Variants in FAM117A observed in about 807,000 individuals in gnomAD.
The protein encoded by FAM117A is family with sequence similarity 117 member A.
In FAM117A, 21 loss-of-function variants were observed where a neutral mutation model predicts 44.1. That is an observed-to-expected ratio of 0.48 (90% CI 0.34 to 0.69). The LOEUF is 0.69. FAM117A is among the 30% of genes least tolerant of loss of function. FAM117A has a pLI of 0.01. For missense variants in FAM117A, 498 were observed against 589.9 expected (o/e 0.84, Z 1.61); for synonymous variants, 220 against 238.3 (o/e 0.92, Z 0.71).
intron 6 of FAM117A, among the ~76,000 whole-genome samples, chr17:49,716,911 G>A (rs916679523): frequency 6.6e-6 from 1 of 152,122 alleles, no homozygotes; most frequent in Non-Finnish European, 1.5e-5. Flanking sequence ...GTTAGATCAT[G>A]CCCTTGACCA....
At chr17:49,731,367 A>C (rs989317058) in intron 2 of FAM117A, among the ~76,000 whole-genome samples, 1 of 152,248 alleles carries the variant, frequency 6.6e-6, no homozygotes, top group Non-Finnish European at 1.5e-5. Context: ...AACTGCATCA[A>C]AAGGGAGATT....
At chr17:49,749,496 G>GGCCAACATGGTGA (rs1282103607) in intron 1 of FAM117A, among the ~76,000 whole-genome samples, 1 of 140,386 alleles carries the variant, frequency 7.1e-6, no homozygotes, top group Non-Finnish European at 1.6e-5. Flanking sequence ...AGAATCGCCT[G>GGCCAACATGGTGA]AATCTGGGAG....
chr17:49,732,584 G>C lies in FAM117A; in HGVS notation c.333C>G (p.Ala111=), dbSNP rs909379986. 3 of 1,614,010 alleles carry C rather than the reference G, an allele frequency of 1.9e-6. No individual in the cohort carries two copies. The South Asian group carries it at 3.3e-5, about 18-fold the overall frequency. Residue 111 remains alanine (A), a synonymous_variant, in exon 2 of 8, where the codon GCC becomes GCG. Coordinates refer to ENST00000240364, the MANE Select transcript of FAM117A (RefSeq NM_030802.4). ...CCTTGTCATTGGTGCAGCAGGTGAAGGCCCCATCAGCATCTCGTGGCCACT... is the reference window on the plus strand; with the variant it reads ...CCTTGTCATTGGTGCAGCAGGTGAACGCCCCATCAGCATCTCGTGGCCACT... The part of the protein sequence containing the change: ...LGQWPRDADG[A]FTCCTNDKAT...
Position 49,732,543 on chromosome 17 carries a change from T to C in FAM117A, c.366+8A>G, listed in dbSNP as rs2073590196. ...ATCCCTTATCCCATCAGGAGAGAGC[T>C]TCATTACCTGGGTGGCCTTGTCATT... On this transcript the variant is annotated splice_region_variant and intron_variant, in intron 2 of 7. Coordinates refer to ENST00000240364, the MANE Select transcript of FAM117A (RefSeq NM_030802.4). The C allele has an allele frequency of 6.2e-7, 1 of 1,614,032 alleles. No individual in the cohort carries two copies. The highest frequency in any genetic ancestry group is 8.5e-7 in the Non-Finnish European group (1 of 1,179,956).
chr17:49,787,558 TC>T (rs2073821427), intron 1 of FAM117A, among the ~76,000 whole-genome samples: 1 of 152,184 alleles, frequency 6.6e-6, no homozygotes, highest in African/African-American at 2.4e-5. Flanking sequence ...CTGGGGGAAA[TC>T]TCCATCTTAA....
intron 3 of FAM117A, among the ~76,000 whole-genome samples, chr17:49,722,003 G>A (rs2073537013): frequency 1.3e-5 from 2 of 152,184 alleles, no homozygotes; most frequent in African/African-American, 4.8e-5. Context: ...GGAGGCTGAG[G>A]CAGGAGAATC....
intron 1 of FAM117A, among the ~76,000 whole-genome samples, chr17:49,778,169 T>C (rs1183996858): frequency 6.6e-6 from 1 of 152,204 alleles, no homozygotes; most frequent in African/African-American, 2.4e-5. Flanking sequence ...ACTTTTCTTT[T>C]TTTGCCTCTG....
At chr17:49,733,840 C>T (rs2143737063) in intron 1 of FAM117A, among the ~76,000 whole-genome samples, 1 of 152,110 alleles carries the variant, frequency 6.6e-6, no homozygotes, top group Middle Eastern at 3.4e-3. Flanking sequence ...ATTCAAAACA[C>T]TCTACTATCT....
chr17:49,752,957 G>T (rs1362604248), intron 1 of FAM117A, among the ~76,000 whole-genome samples: 1 of 151,862 alleles, frequency 6.6e-6, no homozygotes, highest in African/African-American at 2.4e-5. Context: ...TTCGCCTCTG[G>T]ACTCAAGTGA....
chr17:49,739,156 G>A (rs2073622681), intron 1 of FAM117A, among the ~76,000 whole-genome samples: 1 of 152,182 alleles, frequency 6.6e-6, no homozygotes, highest in Admixed American at 6.5e-5. Context: ...ATGAAGAGAT[G>A]CAAATACACT....
intron 1 of FAM117A, among the ~76,000 whole-genome samples, chr17:49,742,924 G>A (rs546173388): frequency 6.6e-6 from 1 of 152,274 alleles, no homozygotes; most frequent in East Asian, 1.9e-4. Flanking sequence ...TCTGATTTCT[G>A]TTATGGGTAT....
In FAM117A at chr17:49,711,072, AT is replaced by A. The variant is rs2073474790; in HGVS notation, c.*182del. ...GCTACTAGTGGAGAAGGCAGGTCCC[AT>A]CACGTTCAGAGGGGCCGGTGCCCAT... On this transcript the variant is annotated 3_prime_UTR_variant, in exon 8 of 8. Transcript: ENST00000240364. 1.7e-6 allele frequency: 1 copy of A among 579,738 alleles called. No individual in the cohort carries two copies. The highest frequency in any genetic ancestry group is 3.0e-6 in the Non-Finnish European group (1 of 337,840). 35.9% of individuals were successfully genotyped at this position (579,738 alleles called of 1,614,324 possible).
intron 1 of FAM117A, among the ~76,000 whole-genome samples, chr17:49,784,568 C>T (rs561812772): frequency 6.6e-6 from 1 of 152,304 alleles, no homozygotes; most frequent in South Asian, 2.1e-4. Flanking sequence ...AATGCTCCTC[C>T]ACACCTCTCT....
intron 1 of FAM117A, among the ~76,000 whole-genome samples, chr17:49,776,221 T>C (rs751946068): frequency 6.6e-6 from 1 of 152,196 alleles, no homozygotes; most frequent in Non-Finnish European, 1.5e-5. Flanking sequence ...ATGACTACCC[T>C]ATACAGTTGG....
At chr17:49,729,458 C>G (rs373043581) in intron 2 of FAM117A, among the ~76,000 whole-genome samples, 1 of 151,346 alleles carries the variant, frequency 6.6e-6, no homozygotes, top group Non-Finnish European at 1.5e-5. Flanking sequence ...TAGGAACAGC[C>G]CCACCCTCAG....
chr17:49,722,409 T>G (rs1051643178), intron 3 of FAM117A, 90 bp downstream of exon 3: 1 of 1,048,864 alleles, frequency 9.5e-7, no homozygotes, highest in African/African-American at 1.6e-5. Context: ...GTGAGCAGTG[T>G]GACGCCACCA....
At position 49,763,921 on chromosome 17, in the gene FAM117A, T is replaced by C; in HGVS notation, c.167A>G (p.His56Arg). 1 of 1,124,304 alleles carries C rather than the reference T, an allele frequency of 8.9e-7. No homozygotes were observed. Among genetic ancestry groups the C allele is most frequent in the Non-Finnish European group, 1.1e-6 (1 of 923,768 alleles). The allele number at this position is 1,124,304 out of a possible 1,614,324, so 69.6% of individuals were successfully genotyped here. The change falls in exon 1 of 8, where the codon CAC (histidine) becomes CGC (arginine). Residue 56 changes from histidine to arginine, a missense_variant. This residue lies in a region of FAM117A where 270 missense variants were observed against 277.4 expected (regional missense o/e 0.97). Coordinates refer to ENST00000240364, the MANE Select transcript of FAM117A (RefSeq NM_030802.4). Reference sequence around the variant, plus strand: ...ACGGCCACCCCCGTCCCGGCGCTGGTGCGGCTGCTGCAGCTGGAAGGGGAT... The same window carrying C: ...ACGGCCACCCCCGTCCCGGCGCTGGCGCGGCTGCTGCAGCTGGAAGGGGAT... ...ATIPFQLQQP[H>R]QRRDGGGRAA...
In FAM117A at chr17:49,773,249, A is replaced by C. The variant is rs565482574; in HGVS notation, c.-621+15248T>G. ...AACCTGGGAGGCGGAGGTTGTAGTG[A>C]GCCGAGATCACACCACTGCACTCCA... On this transcript the variant is annotated intron_variant, in intron 1 of 7. Transcript: ENST00000513602. 3 of 152,268 alleles carry C rather than the reference A, an allele frequency of 2.0e-5. No individual in the cohort carries two copies. The South Asian group carries it at 6.2e-4, about 32-fold the overall frequency. 9.4% of individuals were successfully genotyped at this position (152,268 alleles called of 1,614,324 possible).
chr17:49,717,144 A>G (rs2073508285), intron 6 of FAM117A, among the ~76,000 whole-genome samples: 1 of 152,162 alleles, frequency 6.6e-6, no homozygotes, highest in Non-Finnish European at 1.5e-5. Flanking sequence ...CTTACTTTGT[A>G]TCACTCACAA....
Sources: allele counts gnomAD v4.1 joint callset (sites outside exome capture counted in the v4.1 genomes callset), GRCh38; gene constraint gnomAD v4.1.1; regional missense constraint gnomAD v4.1.1; transcripts MANE v1.5; gene names NCBI Gene and HGNC (gene_info 2026-07-23, HGNC 2026-07-21).